The following DPP6 variants were observed in gnomAD, a reference collection of about 807,000 sequenced individuals.
DPP6 encodes the protein A-type potassium channel modulatory protein DPP6.
In DPP6, 69 loss-of-function variants were observed where a neutral mutation model predicts 122.6. That is an observed-to-expected ratio of 0.56 (90% CI 0.46 to 0.69). The LOEUF (loss-of-function observed/expected upper bound fraction) is 0.69, where lower values mean the gene tolerates loss of function less well. DPP6 is among the 30% of genes least tolerant of loss of function. DPP6 has a pLI of 0.00. For missense variants in DPP6, 928 were observed against 1,116.9 expected, an observed-to-expected ratio of 0.83 and a Z score of 2.41; for synonymous variants, 418 against 433.1, an observed-to-expected ratio of 0.97 and a Z score of 0.43.
intron 6 of DPP6, among the ~76,000 whole-genome samples, chr7:154,646,208 A>G (rs1320106390): frequency 6.6e-6 from 1 of 152,054 alleles, no homozygotes; most frequent in Non-Finnish European, 1.5e-5. Context: ...CTGGAGCTCT[A>G]CATTTAAAAA....
intron 1 of DPP6, among the ~76,000 whole-genome samples, chr7:154,083,495 G>A (rs370698919): frequency 1.3e-5 from 2 of 150,668 alleles, no homozygotes; most frequent in East Asian, 2.0e-4. Context: ...GGTCACCCAA[G>A]CCTCCATCAT....
intron 2 of DPP6, among the ~76,000 whole-genome samples, chr7:154,462,455 A>G (rs1821378029): frequency 6.6e-6 from 1 of 152,158 alleles, no homozygotes; most frequent in African/African-American, 2.4e-5. Context: ...TTTAGATAGT[A>G]TGGAAATTTT....
the DPP6 span, among the ~76,000 whole-genome samples, chr7:153,832,171 T>C: frequency 0.89 from 134,885 of 152,246 alleles, 59,781 homozygotes; most frequent in Admixed American, 0.91. Context: ...CTTTAAATAA[T>C]CAAAACTTAT....
At chr7:154,766,187 C>G (rs1308857334) in intron 8 of DPP6, among the ~76,000 whole-genome samples, 1 of 152,204 alleles carries the variant, frequency 6.6e-6, no homozygotes, top group African/African-American at 2.4e-5. Context: ...TGGCGTGGCA[C>G]AGGTTCTTCG....
chr7:153,857,328 C>CTCTCTCTCTCTCTCTCTCTCTCTCTCTA, the DPP6 span, among the ~76,000 whole-genome samples: 1 of 131,170 alleles, frequency 7.6e-6, no homozygotes, highest in Non-Finnish European at 1.7e-5. Context: ...GGTTTTCTCT[C>CTCTCTCTCTCTCTCTCTCTCTCTCTCTA]TCTCTCTCTC....
chr7:154,262,881 A>G (rs1312679954), intron 1 of DPP6, among the ~76,000 whole-genome samples: 1 of 152,170 alleles, frequency 6.6e-6, no homozygotes, highest in Non-Finnish European at 1.5e-5. Context: ...GTTACTGGCT[A>G]AGGTCAGTGG....
At chr7:154,888,971 C>G (rs1164712963) in intron 23 of DPP6, among the ~76,000 whole-genome samples, 3 of 151,236 alleles carry the variant, frequency 2.0e-5, no homozygotes, top group Non-Finnish European at 4.5e-5. Context: ...ATCATGAGAA[C>G]AGCAGCACAG....
intron 1 of DPP6, among the ~76,000 whole-genome samples, chr7:154,061,021 C>A (rs1312580391): frequency 6.7e-6 from 1 of 148,956 alleles, no homozygotes; most frequent in African/African-American, 2.4e-5. Flanking sequence ...GAGTTCAAAT[C>A]TTCTGACGGC....
chr7:154,650,157 C>T (rs1307866147), intron 6 of DPP6, among the ~76,000 whole-genome samples: 1 of 151,994 alleles, frequency 6.6e-6, no homozygotes, highest in Non-Finnish European at 1.5e-5. Flanking sequence ...CCCATCTCTA[C>T]AAAAATACAA....
intron 1 of DPP6, among the ~76,000 whole-genome samples, chr7:154,369,256 A>G (rs2151115252): frequency 6.6e-6 from 1 of 151,152 alleles, no homozygotes; most frequent in Non-Finnish European, 1.5e-5. Context: ...CACCACGCCC[A>G]GCTAGTTTTT....
At chr7:154,347,565 A>C (rs995016882) in intron 1 of DPP6, among the ~76,000 whole-genome samples, 2 of 152,376 alleles carry the variant, frequency 1.3e-5, no homozygotes, top group Middle Eastern at 3.4e-3. Context: ...TTACTTAATT[A>C]GTGTTTTGGT....
At chr7:154,553,398 C>G (rs1829775750) in intron 4 of DPP6, among the ~76,000 whole-genome samples, 2 of 152,024 alleles carry the variant, frequency 1.3e-5, no homozygotes, top group Non-Finnish European at 2.9e-5. Flanking sequence ...AGTAGAAAAC[C>G]AAAGCCACTT....
At chr7:154,004,282 G>A (rs574197298) in intron 1 of DPP6, among the ~76,000 whole-genome samples, 8 of 152,320 alleles carry the variant, frequency 5.3e-5, no homozygotes, top group Admixed American at 3.9e-4. Context: ...TACTGGAGGA[G>A]CAGCACCTGC....
intron 5 of DPP6, among the ~76,000 whole-genome samples, chr7:154,616,231 A>T (rs1306596759): frequency 6.6e-6 from 1 of 152,122 alleles, no homozygotes; most frequent in Admixed American, 6.5e-5. Flanking sequence ...CATGCCCAGG[A>T]GTGGTTCTGT....
chr7:154,058,099 T>A (rs371101536), intron 1 of DPP6: 3 of 127,198 alleles, frequency 2.4e-5, no homozygotes, highest in Non-Finnish European at 3.5e-5. Context: ...GCATCCCCCA[T>A]GAGGCGGGGA....
intron 1 of DPP6, among the ~76,000 whole-genome samples, chr7:154,043,167 C>A (rs58725881): frequency 0.059 from 8,955 of 152,066 alleles, 308 homozygotes; most frequent in East Asian, 0.1. Context: ...GTGGGCGAAT[C>A]ATCTGAGGTC....
intron 1 of DPP6, among the ~76,000 whole-genome samples, chr7:154,129,743 C>T (rs1808219225): frequency 6.6e-6 from 1 of 151,956 alleles, no homozygotes; most frequent in Admixed American, 6.6e-5. Flanking sequence ...GCTAAAAAGA[C>T]AAAACAATTA....
intron 1 of DPP6, among the ~76,000 whole-genome samples, chr7:154,033,254 A>G (rs1021317760): frequency 1.3e-5 from 2 of 152,220 alleles, no homozygotes; most frequent in African/African-American, 2.4e-5. Flanking sequence ...TGACATAAAT[A>G]TATACATACT....
At position 154,369,498 on chromosome 7, in the gene DPP6, A is replaced by G. The variant is rs145337860; in HGVS notation, c.244-76716A>G. On this transcript the variant is annotated intron_variant, in intron 1 of 25. Transcript: ENST00000377770. Reference sequence around the variant, plus strand: ...ATTCTCCAGCCTCAGCCTCCTGAGTAGCTGGGATTACAGGCACCCACCACC... The same window carrying G: ...ATTCTCCAGCCTCAGCCTCCTGAGTGGCTGGGATTACAGGCACCCACCACC... Among the ~76,000 whole-genome samples the G allele has an allele frequency of 2.6e-3, 398 of 152,178 alleles. 12 individuals are homozygous for G. The East Asian group carries it at 0.064, about 24-fold the overall frequency.
Sources: gnomAD v4.1 joint callset for allele counts (sites outside exome capture counted in the v4.1 genomes callset) on GRCh38, gnomAD v4.1.1 for gene constraint, MANE v1.5 for transcripts, NCBI Gene and HGNC (gene_info 2026-07-23, HGNC 2026-07-21) for gene names.